Variants in CFAP61 observed in about 807,000 individuals in gnomAD.
CFAP61 encodes the protein cilia and flagella associated protein 61.
In CFAP61, 107 loss-of-function variants were observed where a neutral mutation model predicts 135.6. The ratio of observed to expected loss-of-function variants is 0.79; its 90% CI spans 0.67 to 0.93. The LOEUF is 0.93. Among genes scored for constraint, CFAP61 ranks in the 40% least tolerant of loss-of-function variants. The probability of loss-of-function intolerance (pLI) is 0.00; values close to 1 mark genes in which losing one functional copy is unlikely to be tolerated. For synonymous variants in CFAP61, 575 were observed against 578.5 expected, an observed-to-expected ratio of 0.99 and a Z score of 0.09; for missense variants, 1,507 against 1,556.2, an observed-to-expected ratio of 0.97 and a Z score of 0.53.
chr20:20,088,048 A>C (rs1160435857), intron 6 of CFAP61, among the ~76,000 whole-genome samples: 1 of 152,186 alleles, frequency 6.6e-6, no homozygotes, highest in East Asian at 1.9e-4. Context: ...AGCTTGAAAA[A>C]TGACTGCAGC....
intron 17 of CFAP61, among the ~76,000 whole-genome samples, chr20:20,212,540 C>T (rs1009408755): frequency 6.6e-6 from 1 of 152,166 alleles, no homozygotes; most frequent in Non-Finnish European, 1.5e-5. Flanking sequence ...GTTTGTCTCT[C>T]CCTGAGCCTG....
intron 2 of CFAP61, among the ~76,000 whole-genome samples, chr20:20,059,500 C>T (rs192926001): frequency 1.3e-5 from 2 of 151,270 alleles, no homozygotes; most frequent in Admixed American, 1.3e-4. Flanking sequence ...CACATGTAGT[C>T]CCAGCTACTC....
chr20:20,096,509 C>G (rs1001196246), intron 7 of CFAP61, among the ~76,000 whole-genome samples: 1 of 152,224 alleles, frequency 6.6e-6, no homozygotes, highest in Non-Finnish European at 1.5e-5. Context: ...TAACAGCGGT[C>G]TTATAAATAA....
chr20:20,087,922 G>A (rs1001647383), intron 6 of CFAP61, among the ~76,000 whole-genome samples: 2 of 151,450 alleles, frequency 1.3e-5, no homozygotes, highest in East Asian at 3.9e-4. Context: ...ATTTATGGTG[G>A]CGCCTCAGTC....
intron 9 of CFAP61, among the ~76,000 whole-genome samples, chr20:20,156,551 AGAAAT>A (rs1324001754): frequency 6.6e-6 from 1 of 152,196 alleles, no homozygotes; most frequent in Admixed American, 6.5e-5. Flanking sequence ...AGATAGGAAA[AGAAAT>A]GAAAGGCATC....
At chr20:20,223,543 T>C (rs2048536509) in intron 17 of CFAP61, among the ~76,000 whole-genome samples, 1 of 152,234 alleles carries the variant, frequency 6.6e-6, no homozygotes. Context: ...TATTGCTCTC[T>C]AGTGTATCAG....
intron 6 of CFAP61, among the ~76,000 whole-genome samples, chr20:20,079,630 C>G (rs909029506): frequency 3.9e-5 from 6 of 152,092 alleles, no homozygotes; most frequent in Admixed American, 3.3e-4. Context: ...TGTCTCTTAA[C>G]GAAGTTCACC....
intron 18 of CFAP61, among the ~76,000 whole-genome samples, chr20:20,235,356 A>G (rs368890490): frequency 5.9e-5 from 9 of 152,216 alleles, no homozygotes; most frequent in African/African-American, 1.9e-4. Context: ...CAGTATGGAC[A>G]TCACTTGGGA....
At position 20,286,576 on chromosome 20, in the gene CFAP61, A is replaced by T. The variant is rs1601820253; in HGVS notation, c.2797-2033A>T. On this transcript the variant is annotated intron_variant, in intron 22 of 26. Coordinates refer to ENST00000245957, the MANE Select transcript of CFAP61 (RefSeq NM_015585.4). ...CAATATAAGTAGTCTTGAAATATGT[A>T]CTCAGAACATCAGTGTGGCCAGCCA... Among the ~76,000 whole-genome samples the T allele has an allele frequency of 3.9e-5, 6 of 152,200 alleles. No individual in the cohort carries two copies. In the South Asian group the frequency reaches 1.2e-3, roughly 31 times the overall value.
intron 17 of CFAP61, among the ~76,000 whole-genome samples, chr20:20,211,925 G>A (rs1464263641): frequency 6.6e-6 from 1 of 152,136 alleles, no homozygotes; most frequent in Non-Finnish European, 1.5e-5. Flanking sequence ...GGATCTGTGG[G>A]GACAGCACTT....
In CFAP61 at chr20:20,098,760, C is replaced by T. The variant is rs1263662861; in HGVS notation, c.805C>T (p.His269Tyr). Residue 269 changes from histidine (H) to tyrosine (Y), a missense_variant, in exon 8 of 27, where the codon CAT becomes TAT. Physicochemically the swap from His to Tyr is moderately conservative, Grantham distance 83 (BLOSUM62 2). Coordinates refer to ENST00000245957, the MANE Select transcript of CFAP61 (RefSeq NM_015585.4). Reference protein sequence around the residue: ...LGPFHGLCFPHPDDVLESPQD... With the variant: ...LGPFHGLCFPYPDDVLESPQD... Reference sequence around the variant, plus strand: ...CCCTTTCCACGGACTCTGTTTCCCACATCCTGATGACGTTCTGGAATCACC... The same window carrying T: ...CCCTTTCCACGGACTCTGTTTCCCATATCCTGATGACGTTCTGGAATCACC... 2 of 1,613,972 alleles carry T rather than the reference C, an allele frequency of 1.2e-6. No individual in the cohort carries two copies. Among genetic ancestry groups the T allele is most frequent in the Admixed American group, 1.7e-5 (1 of 59,972 alleles).
intron 6 of CFAP61, among the ~76,000 whole-genome samples, chr20:20,087,338 C>A (rs931043167): frequency 1.3e-5 from 2 of 152,142 alleles, no homozygotes; most frequent in Non-Finnish European, 2.9e-5. Flanking sequence ...ATCTTTATGT[C>A]CCTGAGTGCC....
At chr20:20,201,837 C>A (rs1673757035) in intron 17 of CFAP61, among the ~76,000 whole-genome samples, 1 of 152,328 alleles carries the variant, frequency 6.6e-6, no homozygotes, top group East Asian at 1.9e-4. Flanking sequence ...TGGCAGCCCA[C>A]GGCTCCTGCA....
intron 25 of CFAP61, among the ~76,000 whole-genome samples, chr20:20,302,570 G>A (rs1228982379): frequency 6.6e-6 from 1 of 152,188 alleles, no homozygotes; most frequent in Non-Finnish European, 1.5e-5. Context: ...GCTGAGGCAC[G>A]AGAATCACTT....
intron 6 of CFAP61, among the ~76,000 whole-genome samples, chr20:20,077,786 T>C (rs2046157809): frequency 6.6e-6 from 1 of 151,512 alleles, no homozygotes; most frequent in Non-Finnish European, 1.5e-5. Context: ...GGAATCAATA[T>C]GAGGGAGTGT....
chr20:20,195,532 G>A (rs534043100), intron 15 of CFAP61, among the ~76,000 whole-genome samples: 2 of 152,280 alleles, frequency 1.3e-5, no homozygotes, highest in East Asian at 1.9e-4. Context: ...GGCTGGCCCA[G>A]GGCACAGTTA....
chr20:20,347,734 A>C (rs1054344798), intron 26 of CFAP61, among the ~76,000 whole-genome samples: 11 of 152,068 alleles, frequency 7.2e-5, no homozygotes, highest in Non-Finnish European at 1.6e-4. Flanking sequence ...GGAGTTCGAG[A>C]CCAACCTGAC....
At position 20,351,947 on chromosome 20, in the gene CFAP61, G is replaced by GA. The variant is rs1226086521; in HGVS notation, c.3514-8253dup. ...CCACAAATAGCCAATACAATCTTGA[G>GA]AAAAAAAAAACGGAAGGCATAACAC... is the stretch of plus-strand genomic sequence containing the variant. On this transcript the variant is annotated intron_variant, in intron 26 of 26. Transcript: ENST00000245957. Among the ~76,000 whole-genome samples, 1,219 of 142,642 alleles carry GA rather than the reference G, an allele frequency of 8.5e-3. 17 individuals carry two copies. Among genetic ancestry groups the GA allele is most frequent in the African/African-American group, 0.029 (1,132 of 39,102 alleles). 93.6% of individuals were successfully genotyped at this position (142,642 alleles called of 152,430 possible).
At chr20:20,101,923 C>T (rs751387481) in intron 8 of CFAP61, among the ~76,000 whole-genome samples, 15 of 152,150 alleles carry the variant, frequency 9.9e-5, no homozygotes, top group Admixed American at 2.0e-4. Context: ...CCACCATGCC[C>T]GGCCAGTTTT....
Sources: gnomAD v4.1 joint callset for allele counts (sites outside exome capture counted in the v4.1 genomes callset) on GRCh38, gnomAD v4.1.1 for gene constraint, MANE v1.5 for transcripts, NCBI Gene and HGNC (gene_info 2026-07-23, HGNC 2026-07-21) for gene names.